Variants in KAZN observed in about 807,000 individuals in gnomAD.
The protein encoded by KAZN is kazrin.
A neutral mutation model predicts 87.4 loss-of-function variants in KAZN; 40 were observed. The observed-to-expected ratio is 0.46, with a 90% CI of 0.36 to 0.60. The LOEUF (loss-of-function observed/expected upper bound fraction) is 0.60, where lower values mean the gene tolerates loss of function less well. Ranked by LOEUF, KAZN falls within the 20% of genes least tolerant of loss-of-function variation. The pLI is 0.00. For synonymous variants in KAZN, 466 were observed against 458.3 expected (o/e 1.02, Z -0.22); for missense variants, 898 against 1,073.9 (o/e 0.84, Z 2.29).
At chr1:14,936,262 G>A (rs1410378668) in intron 1 of KAZN, among the ~76,000 whole-genome samples, 1 of 152,172 alleles carries the variant, frequency 6.6e-6, no homozygotes, top group Non-Finnish European at 1.5e-5. Context: ...GTTGCTTTAC[G>A]AGAGCCCGTG....
intron 1 of KAZN, among the ~76,000 whole-genome samples, chr1:14,796,201 C>T (rs1390588378): frequency 1.3e-5 from 2 of 152,150 alleles, no homozygotes; most frequent in Non-Finnish European, 1.5e-5. Context: ...ACAGATAAGC[C>T]TGGGTCTCAC....
At chr1:14,671,433 G>T (rs574803957) in intron 1 of KAZN, among the ~76,000 whole-genome samples, 1 of 152,132 alleles carries the variant, frequency 6.6e-6, no homozygotes, top group African/African-American at 2.4e-5. Context: ...CACGTACTGG[G>T]GGAGATGGCA....
At chr1:14,858,926 T>G (rs911556266) in intron 1 of KAZN, among the ~76,000 whole-genome samples, 1 of 152,076 alleles carries the variant, frequency 6.6e-6, no homozygotes, top group African/African-American at 2.4e-5. Context: ...TTCCATGTAT[T>G]AAGAACTGCA....
intron 2 of KAZN, among the ~76,000 whole-genome samples, chr1:14,319,981 A>G (rs959443372): frequency 6.6e-6 from 1 of 152,100 alleles, no homozygotes; most frequent in Admixed American, 6.6e-5. Flanking sequence ...GTTTGTTGTT[A>G]TTAAGGTCAT....
chr1:14,775,372 C>T (rs1182996546), intron 1 of KAZN, among the ~76,000 whole-genome samples: 1 of 152,208 alleles, frequency 6.6e-6, no homozygotes, highest in African/African-American at 2.4e-5. Flanking sequence ...TCATGCTTCC[C>T]CTGGAGGAAA....
intron 1 of KAZN, among the ~76,000 whole-genome samples, chr1:14,070,167 C>CAAAAAAAAAAAAAAAAAAAAAAAAA (rs61327562): frequency 9.6e-5 from 7 of 72,888 alleles, no homozygotes; most frequent in Admixed American, 1.6e-4. Flanking sequence ...GACTCCATCT[C>CAAAAAAAAAAAAAAAAAAAAAAAAA]AAAAAAAAAA....
At chr1:14,853,019 A>G (rs1224949181) in intron 1 of KAZN, among the ~76,000 whole-genome samples, 3 of 152,196 alleles carry the variant, frequency 2.0e-5, no homozygotes, top group Non-Finnish European at 2.9e-5. Flanking sequence ...AAAATGGACC[A>G]TCTAGAACCA....
intron 1 of KAZN, chr1:14,924,257 G>C (rs1032840729): frequency 1.3e-5 from 13 of 981,910 alleles, no homozygotes; most frequent in African/African-American, 1.8e-5. Context: ...AGGCGGGGGC[G>C]GGCTCGGCTG....
At chr1:14,192,136 A>C (rs995893882) in intron 2 of KAZN, among the ~76,000 whole-genome samples, 1 of 152,190 alleles carries the variant, frequency 6.6e-6, no homozygotes, top group African/African-American at 2.4e-5. Context: ...ACATAGAGGA[A>C]ACTCCACAGG....
At chr1:14,613,520 T>A (rs1462918744) in intron 1 of KAZN, among the ~76,000 whole-genome samples, 1 of 152,164 alleles carries the variant, frequency 6.6e-6, no homozygotes, top group Admixed American at 6.5e-5. Flanking sequence ...AGAAAGAAAA[T>A]TTTGGCTCCT....
intron 2 of KAZN, among the ~76,000 whole-genome samples, chr1:14,211,780 C>CA (rs2100454796): frequency 6.6e-6 from 1 of 152,108 alleles, no homozygotes; most frequent in East Asian, 1.9e-4. Flanking sequence ...CAAAATTTTC[C>CA]AAATTTATCA....
chr1:15,011,808 G>A (rs1272160055), intron 2 of KAZN, among the ~76,000 whole-genome samples: 1 of 152,084 alleles, frequency 6.6e-6, no homozygotes, highest in Non-Finnish European at 1.5e-5. Context: ...CCAACACTGC[G>A]CACTCAGGGT....
At chr1:13,977,960 T>C (rs939578491) in intron 1 of KAZN, among the ~76,000 whole-genome samples, 1 of 152,046 alleles carries the variant, frequency 6.6e-6, no homozygotes, top group African/African-American at 2.4e-5. Flanking sequence ...ACCCCGTCTC[T>C]ATTAAAAATA....
chr1:14,127,396 G>GT (rs1191115631), intron 1 of KAZN, among the ~76,000 whole-genome samples: 5 of 51,012 alleles, frequency 9.8e-5, no homozygotes, highest in South Asian at 1.5e-3. Context: ...CCCCTTTACT[G>GT]TTGTTTTTTT....
intron 1 of KAZN, among the ~76,000 whole-genome samples, chr1:13,999,022 G>A (rs1639656811): frequency 1.3e-5 from 2 of 152,182 alleles, no homozygotes; most frequent in Admixed American, 1.3e-4. Context: ...TAGTGTCTTA[G>A]ACCACAGTGC....
intron 2 of KAZN, among the ~76,000 whole-genome samples, chr1:15,010,914 C>T (rs1669515365): frequency 6.6e-6 from 1 of 152,118 alleles, no homozygotes; most frequent in South Asian, 2.1e-4. Context: ...ATTTACCAGT[C>T]AGAATAATGA....
chr1:14,773,618 A>G lies in KAZN; in HGVS notation c.226+174395A>G, dbSNP rs1481075191. On this transcript the variant is annotated intron_variant, in intron 1 of 14. Transcript: ENST00000376030. This position sits in a 1 kb window ranked among gnomAD's most constrained non-coding sequence, Gnocchi z 5.9. The stretch of plus-strand genomic sequence containing the variant: ...TAGGGAGTTGGAAATGAGGTCAGGC[A>G]CCCGCCACCCGGTTCTCCTTCTTCC... Among the ~76,000 whole-genome samples, 1 of 152,082 alleles carries G rather than the reference A, an allele frequency of 6.6e-6. No homozygotes were observed. The highest frequency in any genetic ancestry group is 1.5e-5 in the Non-Finnish European group (1 of 68,008).
At position 14,960,727 on chromosome 1, in the gene KAZN, CCTT is replaced by C. The variant is rs751770140; in HGVS notation, c.273_275del (p.Leu92del). On this transcript the variant is annotated inframe_deletion, in exon 2 of 15. Transcript: ENST00000376030. ...TGTCGCGGCTCCAGGAGGAAGTTCA[CCTT>C]CTCCGGCAGATGAAGGAGATGTTGG... The C allele has an allele frequency of 6.3e-7, 1 of 1,585,980 alleles. No individual in the cohort carries two copies.
chr1:14,700,709 C>T (rs1463676214), intron 1 of KAZN, among the ~76,000 whole-genome samples: 2 of 152,080 alleles, frequency 1.3e-5, no homozygotes, highest in Non-Finnish European at 2.9e-5. Flanking sequence ...AATGGTGTGG[C>T]TTGCCAGAGG....
Sources: allele counts gnomAD v4.1 joint callset (sites outside exome capture counted in the v4.1 genomes callset), GRCh38; gene constraint gnomAD v4.1.1; non-coding constraint Gnocchi (gnomAD v3.1); transcripts MANE v1.5; gene names NCBI Gene and HGNC (gene_info 2026-07-23, HGNC 2026-07-21).